Variants in BIRC6 observed in about 807,000 individuals in gnomAD.
BIRC6 encodes the protein baculoviral IAP repeat containing 6.
BIRC6 carries 98 observed loss-of-function variants against 503.3 expected under a neutral mutation model. The observed-to-expected ratio is 0.19, with a 90% CI of 0.17 to 0.23. The LOEUF (loss-of-function observed/expected upper bound fraction) is 0.23, where lower values mean the gene tolerates loss of function less well. BIRC6 is among the 10% of genes least tolerant of loss of function. The pLI, the probability that BIRC6 is intolerant of heterozygous loss-of-function variation, is 1.00. For missense variants in BIRC6, 5,360 were observed against 5,806.0 expected (o/e 0.92, Z 2.50); for synonymous variants, 2,240 against 2,078.7 (o/e 1.08, Z -2.11).
intron 23 of BIRC6, among the ~76,000 whole-genome samples, chr2:32,461,907 A>G (rs544388159): frequency 1.2e-4 from 18 of 152,294 alleles, no homozygotes; most frequent in Admixed American, 3.9e-4. Context: ...GCCGAGATTA[A>G]ATAAGCTGAT....
chr2:32,488,659 A>G lies in BIRC6; in HGVS notation c.8040A>G (p.Gly2680=), dbSNP rs1448138666. 4 of 1,500,402 alleles carry G rather than the reference A, an allele frequency of 2.7e-6. No homozygotes were observed. Among genetic ancestry groups the G allele is most frequent in the Admixed American group, 4.1e-5 (2 of 49,338 alleles). 92.9% of individuals were successfully genotyped at this position (1,500,402 alleles called of 1,614,324 possible). ...NSSSTGNKEN[G]ADIFLYNANR... ...GTTCAACTGGAAACAAAGAAAATGG[A>G]GCAGACATATTTTTATATAATGCTA... The change falls in exon 42 of 74, where the codon GGA becomes GGG. Residue 2680 remains glycine (G), a synonymous_variant. Coordinates refer to ENST00000421745, the MANE Select transcript of BIRC6 (RefSeq NM_016252.4).
intron 6 of BIRC6, among the ~76,000 whole-genome samples, chr2:32,396,393 T>C (rs1462701910): frequency 6.6e-6 from 1 of 152,242 alleles, no homozygotes; most frequent in Non-Finnish European, 1.5e-5. Flanking sequence ...TTATTTTGTA[T>C]GAAAATTAGT....
intron 3 of BIRC6, among the ~76,000 whole-genome samples, chr2:32,385,679 T>A (rs2038346207): frequency 2.0e-5 from 3 of 152,214 alleles, no homozygotes; most frequent in Admixed American, 2.0e-4. Context: ...TTGAAAGTGC[T>A]CTTAAGGTAA....
At chr2:32,602,982 GTTT>G in intron 70 of BIRC6, 21 bp from the exon 71 acceptor site, 2 of 1,583,312 alleles carry the variant, frequency 1.3e-6, no homozygotes, top group Non-Finnish European at 1.7e-6. Context: ...TTTCAATTCT[GTTT>G]ATGCTTTTTT....
At chr2:32,465,249 A>ATT (rs11353879) in intron 26 of BIRC6, 85 bp downstream of exon 26, 1,315 of 271,624 alleles carry the variant, frequency 4.8e-3, no homozygotes, top group South Asian at 5.7e-3. Context: ...CTTCAGTTCG[A>ATT]TTTTTTTTTT....
chr2:32,460,130 G>A (rs1004292086), intron 23 of BIRC6, among the ~76,000 whole-genome samples: 1 of 134,040 alleles, frequency 7.5e-6, no homozygotes, highest in Non-Finnish European at 1.6e-5. Flanking sequence ...TCTTGGTCTT[G>A]TTCATATATG....
chr2:32,538,734 C>T (rs536445604), intron 61 of BIRC6, among the ~76,000 whole-genome samples: 2 of 152,198 alleles, frequency 1.3e-5, no homozygotes, highest in African/African-American at 4.8e-5. Flanking sequence ...AGTTCAAGAC[C>T]AGCCTGGCCA....
Position 32,477,363 on chromosome 2 carries a change from T to C in BIRC6, c.6853-5T>C. 6.2e-7 allele frequency: 1 copy of C among 1,613,304 alleles called. No individual in the cohort carries two copies. Reference sequence around the variant, plus strand: ...GATTTAAACACTATACATTTTTGTGTGCAGCACTTTAAGGATTTAATTCGT... The same window carrying C: ...GATTTAAACACTATACATTTTTGTGCGCAGCACTTTAAGGATTTAATTCGT... On this transcript the variant is annotated splice_region_variant and splice_polypyrimidine_tract_variant and intron_variant, in intron 34 of 73. Coordinates refer to ENST00000421745, the MANE Select transcript of BIRC6 (RefSeq NM_016252.4).
intron 40 of BIRC6, among the ~76,000 whole-genome samples, chr2:32,486,174 A>T (rs2050970832): frequency 6.6e-6 from 1 of 152,238 alleles, no homozygotes; most frequent in African/African-American, 2.4e-5. Flanking sequence ...GTAGGATGAC[A>T]GCCAAATAGG....
chr2:32,372,459 T>C (rs181517458), intron 1 of BIRC6, among the ~76,000 whole-genome samples: 7 of 152,348 alleles, frequency 4.6e-5, no homozygotes, highest in Admixed American at 4.6e-4. Context: ...TGTCAAGTTT[T>C]TGCATGTATT....
At position 32,401,551 on chromosome 2, in the gene BIRC6, C is replaced by T. The variant is rs1283205103; in HGVS notation, c.1346C>T (p.Ser449Leu). Reference sequence around the variant, plus strand: ...GGAGACCCAAGCTCAGGAGTTGATTCAAGGAGACCAACTTTGGCGTGGCTG... The same window carrying T: ...GGAGACCCAAGCTCAGGAGTTGATTTAAGGAGACCAACTTTGGCGTGGCTG... ...LSGDPSSGVDSRRPTLAWLED... is the reference protein window; with the variant it reads ...LSGDPSSGVDLRRPTLAWLED... Residue 449 changes from serine to leucine, a missense_variant, in exon 8 of 74, where the codon TCA becomes TTA. Physicochemically the swap from Ser to Leu is moderately radical, Grantham distance 145. Around this residue, in one of 16 missense-constraint regions of BIRC6, gnomAD observed 700 missense variants for 739.3 expected, o/e 0.95. Coordinates refer to ENST00000421745, the MANE Select transcript of BIRC6 (RefSeq NM_016252.4). 1 of 1,613,844 alleles carries T rather than the reference C, an allele frequency of 6.2e-7. No individual in the cohort carries two copies. Among genetic ancestry groups the T allele is most frequent in the Non-Finnish European group, 8.5e-7 (1 of 1,179,888 alleles).
chr2:32,534,903 G>T (rs2057092052), intron 61 of BIRC6, among the ~76,000 whole-genome samples: 1 of 151,590 alleles, frequency 6.6e-6, no homozygotes, highest in South Asian at 2.1e-4. Flanking sequence ...GTATTGAGAA[G>T]AAGAAAAATT....
intron 54 of BIRC6, among the ~76,000 whole-genome samples, chr2:32,513,743 T>C (rs1465686256): frequency 6.6e-6 from 1 of 152,188 alleles, no homozygotes; most frequent in Admixed American, 6.5e-5. Flanking sequence ...ACCCCGTCTC[T>C]ACTAAAAATA....
rs35100455 is a variant in BIRC6, at chr2:32,518,906, A to G, written c.11583A>G (p.Pro3861=). ...AGHKFRTLHL[P]VSTTLSDVLD... is the part of the protein sequence containing the mutation. ...ACAAATTCCGTACTCTTCATTTGCC[A>G]GTCTCAACAACATTATCAGATGTTC... is the stretch of plus-strand genomic sequence containing the variant. Residue 3861 remains proline, a synonymous_variant, in exon 57 of 74, where the codon CCA becomes CCG. Coordinates refer to ENST00000421745, the MANE Select transcript of BIRC6 (RefSeq NM_016252.4). The G allele has an allele frequency of 0.014, 22,083 of 1,613,828 alleles. 210 individuals carry two copies. The highest frequency in any genetic ancestry group is 0.017 in the Non-Finnish European group (20,499 of 1,179,774).
chr2:32,551,620 A>G (rs1470381408), intron 65 of BIRC6, among the ~76,000 whole-genome samples: 1 of 152,190 alleles, frequency 6.6e-6, no homozygotes, highest in Non-Finnish European at 1.5e-5. Flanking sequence ...TTATCTAGCC[A>G]GAGTCTTCCT....
At chr2:32,466,988 G>A (rs770924110) in intron 26 of BIRC6, among the ~76,000 whole-genome samples, 24 of 151,982 alleles carry the variant, frequency 1.6e-4, no homozygotes, top group Non-Finnish European at 1.5e-5. Flanking sequence ...GCATGGCAGC[G>A]GGCGCCTGTA....
rs147028261 is a variant in BIRC6 at position 32,516,703 on chromosome 2, ATAAAT to A, written c.11349+939_11349+943del. 3.7e-4 allele frequency among the ~76,000 whole-genome samples: 57 copies of A among 152,112 alleles called. 1 individual carries two copies. In the East Asian group the frequency reaches 9.8e-3, roughly 26 times the overall value. ...TAATCATAATTTATTATTTATCATA[ATAAAT>A]TAAATCCTGAAAGGTAGAATTATTT... On this transcript the variant is annotated intron_variant, in intron 55 of 73. Transcript: ENST00000421745.
At chr2:32,397,767 A>C (rs997291454) in intron 6 of BIRC6, among the ~76,000 whole-genome samples, 1 of 152,006 alleles carries the variant, frequency 6.6e-6, no homozygotes, top group Admixed American at 6.6e-5. Flanking sequence ...AATCCTCAAA[A>C]AGTTATTTAA....
rs1431955788 is a variant in BIRC6, at chr2:32,455,459, A to G, written c.4753+1517A>G. Among the ~76,000 whole-genome samples, 5 of 152,032 alleles carry G rather than the reference A, an allele frequency of 3.3e-5. No homozygotes were observed. The East Asian group carries it at 5.8e-4, about 18-fold the overall frequency. ...AACATGGCGAAACCTCGTCTCTACT[A>G]AAAATACAAAAAGTATTGCTGGGTG... On this transcript the variant is annotated intron_variant, in intron 23 of 73. Transcript: ENST00000421745.
Sources: allele counts gnomAD v4.1 joint callset (sites outside exome capture counted in the v4.1 genomes callset), GRCh38; gene constraint gnomAD v4.1.1; regional missense constraint gnomAD v4.1.1; transcripts MANE v1.5; gene names NCBI Gene and HGNC (gene_info 2026-07-23, HGNC 2026-07-21).